Variants in NUP153 observed in about 807,000 individuals in gnomAD.
The protein encoded by NUP153 is nucleoporin 153, also known as nuclear pore complex protein Nup153.
A neutral mutation model predicts 134.6 loss-of-function variants in NUP153; 27 were observed. The observed-to-expected ratio is 0.20, with a 90% CI of 0.15 to 0.28. The LOEUF is 0.28. Among genes scored for constraint, NUP153 ranks in the 10% least tolerant of loss-of-function variants. The pLI is 1.00. For synonymous variants in NUP153, 640 were observed against 623.5 expected, an observed-to-expected ratio of 1.03 and a Z score of -0.40; for missense variants, 1,821 against 1,731.3, an observed-to-expected ratio of 1.05 and a Z score of -0.92.
intron 1 of NUP153, among the ~76,000 whole-genome samples, chr6:17,699,189 AT>A (rs61553664): frequency 0.75 from 112,499 of 149,552 alleles, 42,415 homozygotes; most frequent in East Asian, 0.88. Context: ...GCTACAAATA[AT>A]TTTTTTTTTT....
intron 2 of NUP153, among the ~76,000 whole-genome samples, chr6:17,676,129 A>G (rs980074452): frequency 2.6e-5 from 4 of 152,208 alleles, no homozygotes; most frequent in Non-Finnish European, 5.9e-5. Context: ...AGACCATAAA[A>G]AATAAGTTTT....
intron 8 of NUP153, among the ~76,000 whole-genome samples, chr6:17,666,589 T>C (rs1767543800): frequency 6.6e-6 from 1 of 152,164 alleles, no homozygotes; most frequent in Non-Finnish European, 1.5e-5. Context: ...TCCAAGTTAT[T>C]TCCCCCATTG....
chr6:17,625,669 T>G lies in NUP153; in HGVS notation c.3901+139A>C, dbSNP rs1317918996. ...TACATTATTCCATACAGTGAATAATTAAAACAACCCTGGTATAGATGACCA... is the reference window on the plus strand; with the variant it reads ...TACATTATTCCATACAGTGAATAATGAAAACAACCCTGGTATAGATGACCA... On this transcript the variant is annotated intron_variant, in intron 19 of 21. Coordinates refer to ENST00000262077, the MANE Select transcript of NUP153 (RefSeq NM_005124.4). The surrounding 1 kb of genome is among the most constrained non-coding windows in gnomAD (Gnocchi z 4.7). 1.5e-6 allele frequency: 1 copy of G among 680,614 alleles called. No individual in the cohort carries two copies. Among genetic ancestry groups the G allele is most frequent in the African/African-American group, 1.8e-5 (1 of 55,348 alleles). 42.2% of individuals were successfully genotyped at this position (680,614 alleles called of 1,614,324 possible).
In NUP153 at chr6:17,628,610, T is replaced by TAA. The variant is rs11422297; in HGVS notation, c.3544+43_3544+44dup. 0.27 allele frequency: 247,611 copies of TAA among 912,452 alleles called. 12,891 individuals carry two copies. Among genetic ancestry groups the TAA allele is most frequent in the Non-Finnish European group, 0.29 (209,048 of 717,446 alleles). The allele number at this position is 912,452 out of a possible 1,614,324, so 56.5% of individuals were successfully genotyped here. A position where few individuals can be genotyped will look rare whatever the true frequency, so the allele number is the denominator to read the frequency against. The stretch of plus-strand genomic sequence containing the variant: ...AGGCAACTTGTAAAACGACAACTTG[T>TAA]AAAAAAAAAAATAATAATAATAATA... On this transcript the variant is annotated intron_variant, in intron 18 of 21. Coordinates refer to ENST00000262077, the MANE Select transcript of NUP153 (RefSeq NM_005124.4). The surrounding 1 kb of genome is among the most constrained non-coding windows in gnomAD (Gnocchi z 5.4).
intron 15 of NUP153, among the ~76,000 whole-genome samples, chr6:17,639,437 C>CA (rs1430281634): frequency 1.3e-5 from 2 of 152,062 alleles, no homozygotes; most frequent in African/African-American, 4.8e-5. Flanking sequence ...TGTTTTCAAA[C>CA]AAAAAATTAT....
chr6:17,641,728 G>A (rs59416896), intron 14 of NUP153, among the ~76,000 whole-genome samples: 67,486 of 151,510 alleles, frequency 0.45, 15,922 homozygotes, highest in Middle Eastern at 0.74. Flanking sequence ...GGTGGCAGGC[G>A]CCTGTAGTCC....
At chr6:17,620,310 A>C (rs1764584894) in intron 20 of NUP153, among the ~76,000 whole-genome samples, 1 of 152,156 alleles carries the variant, frequency 6.6e-6, no homozygotes, top group Non-Finnish European at 1.5e-5. Flanking sequence ...AGACCAATGG[A>C]ATAGAATAGA....
chr6:17,704,813 G>T (rs1770371705), intron 1 of NUP153, among the ~76,000 whole-genome samples: 1 of 150,990 alleles, frequency 6.6e-6, no homozygotes, highest in Non-Finnish European at 1.5e-5. Context: ...AGGCTGGAGT[G>T]CAGGGGCAAG....
rs758903842 is a variant in NUP153, at chr6:17,646,093, G to A, written c.1694C>T (p.Thr565Ile). 1.3e-5 allele frequency: 20 copies of A among 1,586,014 alleles called. No homozygotes were observed. ...KTAELSGSSS[T>I]LEPIISSSAH... ...TGAACTACTTATAATTGGTTCTAAA[G>A]TACTACTAGAACCAGAAAGTTCTGC... The change falls in exon 14 of 22, where the codon ACT becomes ATT. Residue 565 changes from threonine to isoleucine, a missense_variant. Coordinates refer to ENST00000262077, the MANE Select transcript of NUP153 (RefSeq NM_005124.4).
chr6:17,678,213 G>A (rs898037996), intron 2 of NUP153, among the ~76,000 whole-genome samples: 1 of 151,784 alleles, frequency 6.6e-6, no homozygotes, highest in African/African-American at 2.4e-5. Context: ...AAAATTACCC[G>A]GGCATGGTGG....
rs368861582 is a variant in NUP153 at position 17,640,228 on chromosome 6, C to A, written c.1721-164G>T. ...AAATGACTTTACAGGGATAATTTGC[C>A]ATTACAAGGAGATAAAAACACTATT... On this transcript the variant is annotated intron_variant, in intron 14 of 21. Coordinates refer to ENST00000262077, the MANE Select transcript of NUP153 (RefSeq NM_005124.4). Among the ~76,000 whole-genome samples, 30 of 152,186 alleles carry A rather than the reference C, an allele frequency of 2.0e-4. No individual in the cohort carries two copies. The East Asian group carries it at 2.5e-3, about 13-fold the overall frequency.
intron 11 of NUP153, among the ~76,000 whole-genome samples, chr6:17,657,115 C>T (rs763441843): frequency 1.1e-4 from 17 of 152,110 alleles, no homozygotes; most frequent in African/African-American, 3.6e-4. Flanking sequence ...CTGAGATCTT[C>T]GGCTGAAGCT....
intron 1 of NUP153, among the ~76,000 whole-genome samples, chr6:17,703,016 C>T (rs1397391843): frequency 6.6e-6 from 1 of 151,378 alleles, no homozygotes; most frequent in Non-Finnish European, 1.5e-5. Flanking sequence ...GCCTGACCAA[C>T]ATGGCGAAAT....
intron 20 of NUP153, among the ~76,000 whole-genome samples, chr6:17,618,026 C>A (rs891455871): frequency 6.6e-6 from 1 of 152,064 alleles, no homozygotes; most frequent in African/African-American, 2.4e-5. Context: ...TCACAAAATA[C>A]CGAGCGCTCC....
chr6:17,637,740 G>A lies in NUP153; in HGVS notation c.1877C>T (p.Ala626Val). 1 of 1,603,780 alleles carries A rather than the reference G, an allele frequency of 6.2e-7. No individual in the cohort carries two copies. Among genetic ancestry groups the A allele is most frequent in the East Asian group, 2.2e-5 (1 of 44,866 alleles). ...TGGGCTTGTTGCGGTGGGCTGAGCA[G>A]CAACAGAATCTATCTTCGGCGATGC... Reference protein sequence around the residue: ...GFASPKIDSVAAQPTATSPVV... With the variant: ...GFASPKIDSVVAQPTATSPVV... The change falls in exon 16 of 22, where the codon GCT becomes GTT. Residue 626 changes from alanine (A) to valine (V), a missense_variant. By Grantham distance (64) the Ala-to-Val change is moderately conservative. Transcript: ENST00000262077.
intron 8 of NUP153, among the ~76,000 whole-genome samples, chr6:17,668,033 G>A (rs1344162162): frequency 1.4e-5 from 2 of 147,138 alleles, no homozygotes; most frequent in Non-Finnish European, 3.0e-5. Context: ...AGTATACAAA[G>A]ATGATGATGT....
chr6:17,669,741 CTGAT>C (rs371669562), intron 5 of NUP153, among the ~76,000 whole-genome samples, 195 bp from the exon 6 acceptor site: 26 of 152,130 alleles, frequency 1.7e-4, no homozygotes, highest in African/African-American at 5.1e-4. Context: ...ATCCAATTCT[CTGAT>C]TGAGAAATTA....
At chr6:17,682,942 A>C (rs1002057100) in intron 2 of NUP153, among the ~76,000 whole-genome samples, 3 of 150,706 alleles carry the variant, frequency 2.0e-5, no homozygotes, top group Non-Finnish European at 3.0e-5. Flanking sequence ...AAAAAAAAAA[A>C]CACTTTCTTT....
intron 20 of NUP153, among the ~76,000 whole-genome samples, chr6:17,621,963 T>A (rs1237521315): frequency 2.0e-5 from 3 of 152,110 alleles, no homozygotes; most frequent in Non-Finnish European, 4.4e-5. Context: ...CTTTAAAATA[T>A]TTTTTTAAAG....
Sources: allele counts gnomAD v4.1 joint callset (sites outside exome capture counted in the v4.1 genomes callset), GRCh38; gene constraint gnomAD v4.1.1; non-coding constraint Gnocchi (gnomAD v3.1); transcripts MANE v1.5; gene names NCBI Gene and HGNC (gene_info 2026-07-23, HGNC 2026-07-21).